IPO7: variants seen among roughly 807,000 people sequenced by gnomAD.
IPO7 encodes importin 7.
A neutral mutation model predicts 136.4 loss-of-function variants in IPO7; 13 were observed. The observed-to-expected ratio is 0.10, with a 90% CI of 0.06 to 0.15. The LOEUF (loss-of-function observed/expected upper bound fraction) is 0.15, where lower values mean the gene tolerates loss of function less well. Ranked by LOEUF, IPO7 falls within the 10% of genes least tolerant of loss-of-function variation. IPO7 has a pLI of 1.00. For synonymous variants in IPO7, 403 were observed against 404.4 expected, an observed-to-expected ratio of 1.00 and a Z score of 0.04; for missense variants, 857 against 1,240.6, an observed-to-expected ratio of 0.69 and a Z score of 4.65.
chr11:9,426,158 C>T (rs1855204011), intron 12 of IPO7, among the ~76,000 whole-genome samples: 1 of 152,202 alleles, frequency 6.6e-6, no homozygotes. Flanking sequence ...ACTCTGTATA[C>T]ATTAGCAGTC....
chr11:9,410,590 T>G (rs1214961028), intron 4 of IPO7, among the ~76,000 whole-genome samples: 52 of 94,780 alleles, frequency 5.5e-4, no homozygotes, highest in Non-Finnish European at 5.2e-5. Flanking sequence ...CCTATTTCAT[T>G]GTTGCATATT....
rs1254829292 is a variant in IPO7 at position 9,438,431 on chromosome 11, C to T, written c.2695+146C>T. The T allele has an allele frequency of 1.6e-5, 10 of 612,124 alleles. No individual in the cohort carries two copies. The East Asian group carries it at 2.5e-4, about 15-fold the overall frequency. The allele number at this position is 612,124 out of a possible 1,614,324, so 37.9% of individuals were successfully genotyped here. A position where few individuals can be genotyped will look rare whatever the true frequency, so the allele number is the denominator to read the frequency against. ...CACACGGTCAGGAGTTCGAGACCAG[C>T]CTGGCCAGTATGGTGAAACCCCACC... is the stretch of plus-strand genomic sequence containing the variant. On this transcript the variant is annotated intron_variant, in intron 22 of 24. Coordinates refer to ENST00000379719, the MANE Select transcript of IPO7 (RefSeq NM_006391.3).
At chr11:9,440,323 A>G in intron 22 of IPO7, 132 bp from the exon 23 acceptor site, 1 of 726,104 alleles carries the variant, frequency 1.4e-6, no homozygotes, top group Non-Finnish European at 2.3e-6. Context: ...CATGTATTTA[A>G]ACACCAATTC....
intron 24 of IPO7, among the ~76,000 whole-genome samples, chr11:9,442,601 G>A (rs544705357): frequency 2.5e-4 from 38 of 152,166 alleles, no homozygotes; most frequent in African/African-American, 8.7e-4. Flanking sequence ...TTTTAGTAGA[G>A]ACAGGGTTTC....
chr11:9,402,083 T>C (rs1854804642), intron 1 of IPO7, among the ~76,000 whole-genome samples: 2 of 152,156 alleles, frequency 1.3e-5, no homozygotes, highest in African/African-American at 2.4e-5. Context: ...GTTTTTGAGC[T>C]GCTGTCACCA....
chr11:9,390,837 T>G (rs1854622537), intron 1 of IPO7, among the ~76,000 whole-genome samples: 1 of 152,036 alleles, frequency 6.6e-6, no homozygotes, highest in Non-Finnish European at 1.5e-5. Flanking sequence ...TGGCGCAGTC[T>G]TGGTTCACTG....
intron 2 of IPO7, among the ~76,000 whole-genome samples, chr11:9,404,482 A>AT (rs1156326935): frequency 6.6e-6 from 1 of 152,116 alleles, no homozygotes; most frequent in African/African-American, 2.4e-5. Context: ...TAAATAAAAA[A>AT]TAAAAAAAAA....
At chr11:9,431,852 G>C (rs892660092) in intron 16 of IPO7, among the ~76,000 whole-genome samples, 12 of 152,106 alleles carry the variant, frequency 7.9e-5, no homozygotes. Context: ...GCGGGCGCCT[G>C]TAATCCCAGC....
intron 1 of IPO7, among the ~76,000 whole-genome samples, chr11:9,392,523 C>G (rs1854650649): frequency 6.6e-6 from 1 of 151,996 alleles, no homozygotes; most frequent in Non-Finnish European, 1.5e-5. Flanking sequence ...TTGAAATTAC[C>G]TGGTTGTATT....
chr11:9,428,161 C>A (rs1345542702), intron 12 of IPO7, among the ~76,000 whole-genome samples: 1 of 151,840 alleles, frequency 6.6e-6, no homozygotes, highest in Non-Finnish European at 1.5e-5. Flanking sequence ...TTTAGATAGC[C>A]AGTTTATTCG....
chr11:9,424,470 C>A (rs1439116672), intron 10 of IPO7, among the ~76,000 whole-genome samples: 1 of 152,028 alleles, frequency 6.6e-6, no homozygotes, highest in African/African-American at 2.4e-5. Flanking sequence ...AGGCCAGGTG[C>A]GGTGGCTAAG....
At chr11:9,412,083 C>T (rs1033797810) in intron 4 of IPO7, among the ~76,000 whole-genome samples, 2 of 152,156 alleles carry the variant, frequency 1.3e-5, no homozygotes, top group Non-Finnish European at 2.9e-5. Flanking sequence ...GTTATTTTGT[C>T]AACTCAAAGG....
chr11:9,412,305 A>G (rs927062215), intron 4 of IPO7, among the ~76,000 whole-genome samples: 4 of 152,202 alleles, frequency 2.6e-5, no homozygotes, highest in Non-Finnish European at 5.9e-5. Context: ...GTCTCCCAGT[A>G]TCATTTTAAA....
chr11:9,443,716 A>G (rs1368134747), intron 24 of IPO7, among the ~76,000 whole-genome samples: 1 of 151,468 alleles, frequency 6.6e-6, no homozygotes, highest in Non-Finnish European at 1.5e-5. Flanking sequence ...CAGCCTGGGC[A>G]ACATAGTGAG....
intron 6 of IPO7, 180 bp from the exon 7 acceptor site, chr11:9,420,203 GCTACTTGGGAGGCTGAGGCGGGAGAATT>G: frequency 4.1e-6 from 2 of 490,470 alleles, no homozygotes; most frequent in Non-Finnish European, 7.2e-6. Context: ...TGTAGTCCCA[GCTACTTGGGAGGCTGAGGCGGGAGAATT>G]GTGTGAACTC....
At chr11:9,405,784 T>C (rs1257768047) in intron 2 of IPO7, among the ~76,000 whole-genome samples, 2 of 152,230 alleles carry the variant, frequency 1.3e-5, no homozygotes, top group Non-Finnish European at 2.9e-5. Flanking sequence ...CAGCAGTAAA[T>C]CTTTTTGTAA....
chr11:9,444,937 A>G (rs1855508641), intron 24 of IPO7, among the ~76,000 whole-genome samples, 160 bp from the exon 25 acceptor site: 1 of 152,118 alleles, frequency 6.6e-6, no homozygotes, highest in Admixed American at 6.5e-5. Flanking sequence ...TCTCTACATA[A>G]TGCATGCTCC....
At chr11:9,409,513 G>T (rs1854938463) in intron 3 of IPO7, among the ~76,000 whole-genome samples, 2 of 152,114 alleles carry the variant, frequency 1.3e-5, no homozygotes, top group African/African-American at 4.8e-5. Flanking sequence ...CGGAGTAGCT[G>T]GGATTACAGG....
intron 12 of IPO7, among the ~76,000 whole-genome samples, 167 bp from the exon 13 acceptor site, chr11:9,428,373 G>T (rs1356518366): frequency 6.6e-6 from 1 of 152,172 alleles, no homozygotes; most frequent in Non-Finnish European, 1.5e-5. Context: ...GTGGTTTTTG[G>T]TGGTGAAGTT....
Sources: gnomAD v4.1 joint callset for allele counts (sites outside exome capture counted in the v4.1 genomes callset) on GRCh38, gnomAD v4.1.1 for gene constraint, MANE v1.5 for transcripts, NCBI Gene and HGNC (gene_info 2026-07-23, HGNC 2026-07-21) for gene names.